The following DLG2 variants were observed in gnomAD, a reference collection of about 807,000 sequenced individuals.
The protein encoded by DLG2 is discs large MAGUK scaffold protein 2, also known as disks large homolog 2.
In DLG2, 45 loss-of-function variants were observed where a neutral mutation model predicts 132.5. The observed-to-expected ratio is 0.34, with a 90% CI of 0.27 to 0.44. The LOEUF (loss-of-function observed/expected upper bound fraction) is 0.44, where lower values mean the gene tolerates loss of function less well. Ranked by LOEUF, DLG2 falls within the 20% of genes least tolerant of loss-of-function variation. The probability of loss-of-function intolerance (pLI) is 1.00; values close to 1 mark genes in which losing one functional copy is unlikely to be tolerated. For synonymous variants in DLG2, 424 were observed against 419.6 expected, an observed-to-expected ratio of 1.01 and a Z score of -0.13; for missense variants, 1,045 against 1,196.9, an observed-to-expected ratio of 0.87 and a Z score of 1.87.
chr11:84,297,348 A>C (rs757396480), intron 7 of DLG2, among the ~76,000 whole-genome samples: 2 of 152,110 alleles, frequency 1.3e-5, no homozygotes, highest in Non-Finnish European at 2.9e-5. Flanking sequence ...CTGCAATTAA[A>C]ATTTTCTGAA....
At chr11:85,620,136 A>G (rs1425010668) in intron 2 of DLG2, among the ~76,000 whole-genome samples, 1 of 152,182 alleles carries the variant, frequency 6.6e-6, no homozygotes, top group Admixed American at 6.5e-5. Flanking sequence ...CAATATTTCA[A>G]ACTTTTTCAT....
intron 19 of DLG2, among the ~76,000 whole-genome samples, chr11:83,545,487 C>T (rs2096215433): frequency 6.6e-6 from 1 of 152,114 alleles, no homozygotes; most frequent in South Asian, 2.1e-4. Flanking sequence ...TCTGTATCCT[C>T]AGGACCTGGT....
intron 5 of DLG2, among the ~76,000 whole-genome samples, chr11:85,148,812 G>T (rs1026483989): frequency 6.6e-6 from 1 of 152,186 alleles, no homozygotes; most frequent in African/African-American, 2.4e-5. Flanking sequence ...TGTTCATCAT[G>T]AAGTCTTTGC....
intron 22 of DLG2, among the ~76,000 whole-genome samples, chr11:83,476,041 A>G (rs528696374): frequency 1.3e-5 from 2 of 152,192 alleles, no homozygotes; most frequent in East Asian, 1.9e-4. Flanking sequence ...GACCCTAGTA[A>G]CCTTTATGCT....
chr11:83,957,106 G>A (rs1399289086), intron 14 of DLG2, among the ~76,000 whole-genome samples: 1 of 152,202 alleles, frequency 6.6e-6, no homozygotes, highest in African/African-American at 2.4e-5. Context: ...AAGATTTTAT[G>A]TGTTTTTATG....
chr11:83,689,384 A>G (rs1290964040), intron 18 of DLG2, among the ~76,000 whole-genome samples: 2 of 152,196 alleles, frequency 1.3e-5, no homozygotes, highest in African/African-American at 4.8e-5. Context: ...TGTGATGGAA[A>G]AAAAGACTAA....
intron 6 of DLG2, among the ~76,000 whole-genome samples, chr11:84,659,025 C>T (rs1329732430): frequency 6.6e-6 from 1 of 152,166 alleles, no homozygotes; most frequent in Non-Finnish European, 1.5e-5. Context: ...GCTCCCATAA[C>T]TGTGAGAAAT....
intron 3 of DLG2, among the ~76,000 whole-genome samples, chr11:85,447,286 T>C (rs1421220801): frequency 1.3e-5 from 2 of 152,148 alleles, no homozygotes; most frequent in African/African-American, 4.8e-5. Flanking sequence ...CTGAATTGTG[T>C]CTCCCCTGCC....
At chr11:84,365,620 A>G (rs926153182) in intron 7 of DLG2, among the ~76,000 whole-genome samples, 17 of 151,644 alleles carry the variant, frequency 1.1e-4, no homozygotes, top group Non-Finnish European at 2.1e-4. Flanking sequence ...TCAATTTTGG[A>G]TCTTTCCTGC....
At chr11:84,590,357 AC>A (rs2099539791) in intron 6 of DLG2, among the ~76,000 whole-genome samples, 1 of 152,170 alleles carries the variant, frequency 6.6e-6, no homozygotes, top group South Asian at 2.1e-4. Flanking sequence ...GTGTTCTTAA[AC>A]TGTTGGCTAT....
intron 10 of DLG2, among the ~76,000 whole-genome samples, chr11:84,079,472 G>A (rs2096873995): frequency 6.6e-6 from 1 of 151,736 alleles, no homozygotes; most frequent in Admixed American, 6.6e-5. Flanking sequence ...TTAGTAGATG[G>A]GGGTTTCTCC....
At chr11:84,096,075 G>A (rs949799363) in intron 10 of DLG2, among the ~76,000 whole-genome samples, 3 of 152,176 alleles carry the variant, frequency 2.0e-5, no homozygotes, top group African/African-American at 4.8e-5. Context: ...ACCACATGAT[G>A]TAGGGATTCT....
chr11:83,513,860 A>G (rs1452465838), intron 21 of DLG2, among the ~76,000 whole-genome samples: 1 of 152,120 alleles, frequency 6.6e-6, no homozygotes, highest in Non-Finnish European at 1.5e-5. Flanking sequence ...ATTATTTCTG[A>G]GGGCTCTGTT....
intron 4 of DLG2, among the ~76,000 whole-genome samples, chr11:85,261,672 G>C (rs1205199090): frequency 6.6e-6 from 1 of 152,158 alleles, no homozygotes; most frequent in Non-Finnish European, 1.5e-5. Context: ...TCATTGGGAA[G>C]AGACCAATAT....
intron 9 of DLG2, among the ~76,000 whole-genome samples, chr11:84,106,094 T>C (rs1447664232): frequency 6.6e-6 from 1 of 152,058 alleles, no homozygotes; most frequent in African/African-American, 2.4e-5. Context: ...AGAATAAAGA[T>C]ATCAAAAAAG....
intron 6 of DLG2, among the ~76,000 whole-genome samples, chr11:84,632,789 A>T (rs1440886040): frequency 6.6e-6 from 1 of 152,202 alleles, no homozygotes; most frequent in Non-Finnish European, 1.5e-5. Context: ...ACTGGAAATA[A>T]GATTATATTT....
At chr11:84,169,709 C>T (rs748927669) in intron 8 of DLG2, among the ~76,000 whole-genome samples, 4 of 151,834 alleles carry the variant, frequency 2.6e-5, no homozygotes, top group Non-Finnish European at 5.9e-5. Context: ...CCCATCTCTA[C>T]TAAAAATACA....
intron 22 of DLG2, among the ~76,000 whole-genome samples, chr11:83,479,626 A>C (rs1004424094): frequency 1.3e-5 from 2 of 152,110 alleles, no homozygotes; most frequent in African/African-American, 2.4e-5. Context: ...AGGACTGATC[A>C]AAAGGATGTG....
intron 3 of DLG2, among the ~76,000 whole-genome samples, chr11:85,363,584 A>G (rs1403235054): frequency 1.3e-5 from 2 of 152,230 alleles, no homozygotes; most frequent in South Asian, 2.1e-4. Flanking sequence ...AACATGTTGT[A>G]GGAGCTCAAT....
Sources: allele counts gnomAD v4.1 joint callset (sites outside exome capture counted in the v4.1 genomes callset), GRCh38; gene constraint gnomAD v4.1.1; transcripts MANE v1.5; gene names NCBI Gene and HGNC (gene_info 2026-07-23, HGNC 2026-07-21).